SLC39A11: variants seen among roughly 807,000 people sequenced by gnomAD.
The protein encoded by SLC39A11 is zinc transporter ZIP11.
Under a neutral mutation model 36.1 loss-of-function variants are expected in SLC39A11, and 33 were observed. The observed-to-expected ratio is 0.91, with a 90% CI of 0.69 to 1.22. The LOEUF is 1.22. SLC39A11 is among the 50% of genes most tolerant of loss of function. SLC39A11 has a pLI of 0.00. For synonymous variants in SLC39A11, 166 were observed against 170.3 expected (o/e 0.97, Z 0.20); for missense variants, 432 against 430.3 (o/e 1.00, Z -0.03).
chr17:72,671,926 A>C (rs1240400305), intron 7 of SLC39A11, among the ~76,000 whole-genome samples: 1 of 152,136 alleles, frequency 6.6e-6, no homozygotes, highest in African/African-American at 2.4e-5. Context: ...TAATAAGATG[A>C]ATCAGCTCTG....
At chr17:72,683,852 A>T (rs2071620269) in intron 7 of SLC39A11, among the ~76,000 whole-genome samples, 1 of 151,530 alleles carries the variant, frequency 6.6e-6, no homozygotes, top group Non-Finnish European at 1.5e-5. Context: ...TTCCTAGAGA[A>T]GTCTAAGCCC....
At position 72,751,797 on chromosome 17, in the gene SLC39A11, G is replaced by A. The variant is rs570317669; in HGVS notation, c.602-15078C>T. On this transcript the variant is annotated intron_variant, in intron 6 of 9. Coordinates refer to ENST00000255559, the MANE Select transcript of SLC39A11 (RefSeq NM_139177.4). ...TTGTTATGTCAGCCAGGCTGGTCTC[G>A]AACCCCTGGCCTCGAGTGATCTGCC... is the stretch of plus-strand genomic sequence containing the variant. Among the ~76,000 whole-genome samples the A allele has an allele frequency of 1.5e-4, 23 of 152,172 alleles. 1 individual carries two copies. The East Asian group carries it at 1.7e-3, about 12-fold the overall frequency.
chr17:72,738,434 G>A (rs1490432476), intron 6 of SLC39A11, among the ~76,000 whole-genome samples: 2 of 152,200 alleles, frequency 1.3e-5, no homozygotes, highest in Non-Finnish European at 2.9e-5. Flanking sequence ...CGTGGGGCTA[G>A]ACAAGATGGG....
chr17:72,721,245 T>C (rs1188763207), intron 7 of SLC39A11, among the ~76,000 whole-genome samples: 1 of 152,112 alleles, frequency 6.6e-6, no homozygotes, highest in East Asian at 1.9e-4. Flanking sequence ...TACAGATGCA[T>C]GCCACCATGT....
chr17:73,071,500 G>T (rs541797090), intron 3 of SLC39A11, among the ~76,000 whole-genome samples: 1 of 152,314 alleles, frequency 6.6e-6, no homozygotes, highest in African/African-American at 2.4e-5. Flanking sequence ...TGGTGATGTG[G>T]TGATCCCCTG....
At chr17:72,882,103 A>G (rs546866028) in intron 5 of SLC39A11, among the ~76,000 whole-genome samples, 1 of 152,218 alleles carries the variant, frequency 6.6e-6, no homozygotes. Flanking sequence ...CTGTAATCCC[A>G]GCACTTTGGA....
At chr17:72,844,570 G>A (rs887921112) in intron 6 of SLC39A11, among the ~76,000 whole-genome samples, 3 of 152,170 alleles carry the variant, frequency 2.0e-5, no homozygotes, top group African/African-American at 4.8e-5. Flanking sequence ...TTGAGAGGCC[G>A]AGGCAGGAGA....
intron 5 of SLC39A11, among the ~76,000 whole-genome samples, chr17:72,892,217 G>T (rs2081786274): frequency 6.6e-6 from 1 of 151,288 alleles, no homozygotes; most frequent in South Asian, 2.1e-4. Flanking sequence ...AGACCAGCCA[G>T]GCCAACATGG....
chr17:73,054,367 AC>A (rs376758424), intron 3 of SLC39A11, among the ~76,000 whole-genome samples: 21 of 149,968 alleles, frequency 1.4e-4, no homozygotes, highest in Admixed American at 5.3e-4. Context: ...CTCGAAAAAA[AC>A]AAAAAAACAA....
rs564378643 is a variant in SLC39A11 at position 72,862,329 on chromosome 17, C to T, written c.431-12525G>A. On this transcript the variant is annotated intron_variant, in intron 5 of 9. Coordinates refer to ENST00000255559, the MANE Select transcript of SLC39A11 (RefSeq NM_139177.4). ...GTGGAGCTAACAGAGCCAAGAAAAA[C>T]GTTGGTTCTGAGACAGGAGGAAAAA... 9.9e-5 allele frequency among the ~76,000 whole-genome samples: 15 copies of T among 152,254 alleles called. 1 individual carries two copies. The South Asian group carries it at 2.1e-3, about 21-fold the overall frequency.
chr17:72,986,365 C>G (rs1239379436), intron 4 of SLC39A11, among the ~76,000 whole-genome samples: 5 of 152,174 alleles, frequency 3.3e-5, no homozygotes, highest in African/African-American at 9.7e-5. Context: ...CAAGCCTGGC[C>G]ATGCAGACAA....
At chr17:72,989,601 G>A (rs995250409) in intron 4 of SLC39A11, among the ~76,000 whole-genome samples, 1 of 152,206 alleles carries the variant, frequency 6.6e-6, no homozygotes, top group African/African-American at 2.4e-5. Context: ...TATTTGGGAA[G>A]TATGTTCATT....
intron 5 of SLC39A11, among the ~76,000 whole-genome samples, chr17:72,924,732 G>A (rs1004854897): frequency 9.9e-5 from 15 of 152,082 alleles, no homozygotes; most frequent in Admixed American, 2.6e-4. Context: ...GGCCAGGCAC[G>A]GTGGCTCACA....
intron 7 of SLC39A11, among the ~76,000 whole-genome samples, chr17:72,655,176 C>T (rs1343551043): frequency 6.6e-6 from 1 of 152,244 alleles, no homozygotes; most frequent in Non-Finnish European, 1.5e-5. Flanking sequence ...TCTGCCTTTC[C>T]TACCTGTCAT....
chr17:72,717,047 TAC>T (rs2073424484), intron 7 of SLC39A11, among the ~76,000 whole-genome samples: 1 of 147,052 alleles, frequency 6.8e-6, no homozygotes, highest in Non-Finnish European at 1.5e-5. Context: ...AAAATATATA[TAC>T]ACATATATAC....
chr17:73,069,736 C>T (rs2060103214), intron 3 of SLC39A11, among the ~76,000 whole-genome samples: 1 of 152,190 alleles, frequency 6.6e-6, no homozygotes, highest in African/African-American at 2.4e-5. Context: ...TGATCCTTTG[C>T]ACTCAGGGTA....
At chr17:72,739,656 C>G (rs2074588065) in intron 6 of SLC39A11, among the ~76,000 whole-genome samples, 1 of 152,184 alleles carries the variant, frequency 6.6e-6, no homozygotes, top group Admixed American at 6.5e-5. Context: ...TCTCAGCGTG[C>G]ACGTGCACAC....
intron 4 of SLC39A11, among the ~76,000 whole-genome samples, chr17:72,999,937 T>C (rs2148381048): frequency 6.6e-6 from 1 of 152,210 alleles, no homozygotes; most frequent in East Asian, 1.9e-4. Context: ...GATGGGGGTT[T>C]CGCCATGTTA....
intron 4 of SLC39A11, among the ~76,000 whole-genome samples, chr17:73,010,918 A>G (rs908489489): frequency 5.9e-5 from 9 of 152,092 alleles, no homozygotes; most frequent in African/African-American, 1.7e-4. Flanking sequence ...CCTAACAATG[A>G]TCTCCTCTGA....
Sources: gnomAD v4.1 joint callset for allele counts (sites outside exome capture counted in the v4.1 genomes callset) on GRCh38, gnomAD v4.1.1 for gene constraint, MANE v1.5 for transcripts, NCBI Gene and HGNC (gene_info 2026-07-23, HGNC 2026-07-21) for gene names.